Variants in ADAMTS12 observed in about 807,000 individuals in gnomAD.
ADAMTS12 encodes ADAM metallopeptidase with thrombospondin type 1 motif 12.
In ADAMTS12, 118 loss-of-function variants were observed where a neutral mutation model predicts 167.8. That is an observed-to-expected ratio of 0.70 (90% CI 0.61 to 0.82). The LOEUF (loss-of-function observed/expected upper bound fraction) is 0.82, where lower values mean the gene tolerates loss of function less well. Ranked by LOEUF, ADAMTS12 falls within the 40% of genes least tolerant of loss-of-function variation. The probability of loss-of-function intolerance (pLI) is 0.00; values close to 1 mark genes in which losing one functional copy is unlikely to be tolerated. For missense variants in ADAMTS12, 1,916 were observed against 1,998.8 expected (o/e 0.96, Z 0.79); for synonymous variants, 704 against 716.9 (o/e 0.98, Z 0.29).
chr5:33,841,618 G>A (rs914594295), intron 2 of ADAMTS12, among the ~76,000 whole-genome samples: 12 of 152,250 alleles, frequency 7.9e-5, no homozygotes, highest in African/African-American at 1.2e-4. Flanking sequence ...GCTCAAGGTC[G>A]TCGCCAAGGT....
At chr5:33,548,702 G>GCGCACA (rs71600915) in intron 21 of ADAMTS12, among the ~76,000 whole-genome samples, 1 of 148,868 alleles carries the variant, frequency 6.7e-6, no homozygotes, top group African/African-American at 2.5e-5. Flanking sequence ...CATAAAGAGA[G>GCGCACA]CACACACACA....
At chr5:33,629,447 A>G (rs1413279246) in intron 13 of ADAMTS12, among the ~76,000 whole-genome samples, 3 of 152,232 alleles carry the variant, frequency 2.0e-5, no homozygotes, top group Non-Finnish European at 4.4e-5. Context: ...GCCTCTGTTA[A>G]GAGCTTAACA....
chr5:33,583,244 G>A (rs1747164458), intron 18 of ADAMTS12, among the ~76,000 whole-genome samples: 1 of 152,148 alleles, frequency 6.6e-6, no homozygotes, highest in Non-Finnish European at 1.5e-5. Context: ...AACATGCAAT[G>A]TTTCCCTTTC....
intron 2 of ADAMTS12, among the ~76,000 whole-genome samples, chr5:33,772,978 G>A (rs1045624226): frequency 5.3e-5 from 8 of 152,212 alleles, no homozygotes; most frequent in African/African-American, 1.9e-4. Flanking sequence ...TGTGATCTGC[G>A]TCTTGGAGAA....
At chr5:33,592,845 T>TGATG (rs2112023267) in intron 17 of ADAMTS12, among the ~76,000 whole-genome samples, 1 of 152,260 alleles carries the variant, frequency 6.6e-6, no homozygotes, top group South Asian at 2.1e-4. Context: ...CAGCTCCCAG[T>TGATG]GATGGGTATG....
intron 2 of ADAMTS12, among the ~76,000 whole-genome samples, chr5:33,822,149 A>G (rs533591730): frequency 1.3e-5 from 2 of 152,308 alleles, no homozygotes; most frequent in African/African-American, 2.4e-5. Context: ...ATGTTCCACA[A>G]TTGAGAGATC....
At chr5:33,881,025 T>C (rs1274734194) in intron 2 of ADAMTS12, 94 bp downstream of exon 2, 1 of 1,523,012 alleles carries the variant, frequency 6.6e-7, no homozygotes, top group Non-Finnish European at 8.8e-7. Context: ...AACTCCCATA[T>C]GTCAGTGCAT....
chr5:33,857,873 T>C (rs981310361), intron 2 of ADAMTS12, among the ~76,000 whole-genome samples: 5 of 152,202 alleles, frequency 3.3e-5, no homozygotes, highest in South Asian at 2.1e-4. Flanking sequence ...GAAAATCTGA[T>C]AGAACTGAAA....
intron 7 of ADAMTS12, among the ~76,000 whole-genome samples, chr5:33,657,404 C>A (rs1270191712): frequency 6.6e-6 from 1 of 152,152 alleles, no homozygotes; most frequent in Non-Finnish European, 1.5e-5. Context: ...GCCTCCCCAC[C>A]CAGTTTCCTA....
intron 5 of ADAMTS12, among the ~76,000 whole-genome samples, chr5:33,662,715 G>T (rs559302392): frequency 6.6e-5 from 10 of 152,338 alleles, no homozygotes; most frequent in Admixed American, 5.9e-4. Flanking sequence ...TACGAGGGAA[G>T]GGATTACTCC....
At chr5:33,868,798 T>C (rs916411674) in intron 2 of ADAMTS12, among the ~76,000 whole-genome samples, 2 of 152,242 alleles carry the variant, frequency 1.3e-5, no homozygotes, top group African/African-American at 4.8e-5. Flanking sequence ...TTTTAGCTCA[T>C]CAGCTATCAT....
chr5:33,673,490 C>G (rs959873888), intron 5 of ADAMTS12, among the ~76,000 whole-genome samples: 1 of 152,132 alleles, frequency 6.6e-6, no homozygotes, highest in Non-Finnish European at 1.5e-5. Flanking sequence ...TGTTATCCCC[C>G]TCTCCTCCTA....
Position 33,577,033 on chromosome 5 carries a change from G to T in ADAMTS12, c.2993C>A (p.Ser998Tyr), listed in dbSNP as rs1226501631. Residue 998 changes from serine to tyrosine, a missense_variant, in exon 19 of 24, where the codon TCT becomes TAT. Coordinates refer to ENST00000504830, the MANE Select transcript of ADAMTS12 (RefSeq NM_030955.4). ...RALCGLQQCP[S>Y]SRRVLKPNKG... ...GTTTGGTTTCAGAACTCTCCGGCTA[G>T]AAGGGCATTGCTGGAGGCCACACAG... The T allele has an allele frequency of 2.5e-6, 4 of 1,614,078 alleles. No homozygotes were observed. Among genetic ancestry groups the T allele is most frequent in the Non-Finnish European group, 3.4e-6 (4 of 1,180,028 alleles).
intron 16 of ADAMTS12, among the ~76,000 whole-genome samples, chr5:33,610,037 G>C (rs373557799): frequency 6.6e-6 from 1 of 152,128 alleles, no homozygotes; most frequent in African/African-American, 2.4e-5. Flanking sequence ...AAATTAGCCA[G>C]GCATGGTGGC....
chr5:33,798,668 G>C (rs1447278995), intron 2 of ADAMTS12, among the ~76,000 whole-genome samples: 1 of 152,080 alleles, frequency 6.6e-6, no homozygotes, highest in East Asian at 1.9e-4. Flanking sequence ...TTGAACTCCT[G>C]ACTTCAGGTG....
At chr5:33,774,318 T>A (rs1274145702) in intron 2 of ADAMTS12, among the ~76,000 whole-genome samples, 1 of 152,112 alleles carries the variant, frequency 6.6e-6, no homozygotes, top group African/African-American at 2.4e-5. Context: ...CAGGAAAGGA[T>A]CTCTAGAGGA....
intron 12 of ADAMTS12, among the ~76,000 whole-genome samples, chr5:33,636,723 C>A (rs191238189): frequency 1.3e-5 from 2 of 152,154 alleles, no homozygotes; most frequent in African/African-American, 4.8e-5. Context: ...TTTTTTACTA[C>A]CTTGCCTTAA....
At chr5:33,829,035 C>A (rs1012343358) in intron 2 of ADAMTS12, among the ~76,000 whole-genome samples, 1 of 152,172 alleles carries the variant, frequency 6.6e-6, no homozygotes, top group Non-Finnish European at 1.5e-5. Context: ...AACGGGCATA[C>A]ACACCATACT....
chr5:33,804,073 C>T (rs1421780006), intron 2 of ADAMTS12, among the ~76,000 whole-genome samples: 1 of 152,164 alleles, frequency 6.6e-6, no homozygotes, highest in Non-Finnish European at 1.5e-5. Flanking sequence ...AGATATAACA[C>T]ACACCTCATG....
Sources: gnomAD v4.1 joint callset for allele counts (sites outside exome capture counted in the v4.1 genomes callset) on GRCh38, gnomAD v4.1.1 for gene constraint, MANE v1.5 for transcripts, NCBI Gene and HGNC (gene_info 2026-07-23, HGNC 2026-07-21) for gene names.